UMAD1: variants seen among roughly 807,000 people sequenced by gnomAD.
UMAD1 encodes UBAP1-MVB12-associated (UMA) domain containing 1.
Under a neutral mutation model 6.1 loss-of-function variants are expected in UMAD1, and 8 were observed. The ratio of observed to expected loss-of-function variants is 1.30; its 90% confidence interval spans 0.76 to 2.35. The LOEUF (loss-of-function observed/expected upper bound fraction) is 2.35. Among genes scored for constraint, UMAD1 ranks in the 30% most tolerant of loss-of-function variants. The probability of loss-of-function intolerance (pLI) is 0.00; values close to 1 mark genes in which losing one functional copy is unlikely to be tolerated. For synonymous variants in UMAD1, 56 were observed against 31.4 expected (o/e 1.78, Z -2.61); for missense variants, 130 against 78.4 (o/e 1.66, Z -2.49).
At chr7:7,836,705 TAAA>T (rs1248535610) in intron 3 of UMAD1, among the ~76,000 whole-genome samples, 1 of 151,844 alleles carries the variant, frequency 6.6e-6, no homozygotes, top group African/African-American at 2.4e-5. Context: ...CATTAGAAAT[TAAA>T]AACAGTTATT....
chr7:7,693,075 G>T (rs981782676), intron 2 of UMAD1, among the ~76,000 whole-genome samples: 3 of 151,918 alleles, frequency 2.0e-5, no homozygotes, highest in African/African-American at 7.3e-5. Context: ...TCATTATTCT[G>T]TAATGAACAA....
At chr7:7,725,396 A>G (rs1222010170) in intron 2 of UMAD1, among the ~76,000 whole-genome samples, 1 of 152,154 alleles carries the variant, frequency 6.6e-6, no homozygotes, top group Non-Finnish European at 1.5e-5. Flanking sequence ...TGCTTAATGT[A>G]TCGGTGGCAG....
At chr7:7,782,482 A>G (rs1446720128) in intron 2 of UMAD1, among the ~76,000 whole-genome samples, 2 of 152,088 alleles carry the variant, frequency 1.3e-5, no homozygotes, top group Non-Finnish European at 2.9e-5. Context: ...TCTACATGCT[A>G]TTGCATAGAT....
Position 7,796,286 on chromosome 7 carries a change from T to C in UMAD1, c.83-5384T>C, listed in dbSNP as rs539761689. Among the ~76,000 whole-genome samples the C allele has an allele frequency of 1.5e-3, 218 of 142,312 alleles. 4 individuals are homozygous for C. The East Asian group carries it at 0.038, about 25-fold the overall frequency. 93.4% of individuals were successfully genotyped at this position (142,312 alleles called of 152,430 possible). A position where few individuals can be genotyped will look rare whatever the true frequency, so the allele number is the denominator to read the frequency against. Reference sequence around the variant, plus strand: ...TTTTTTTTGAGATGGAGTTTCGCTCTTCTTGCCCAGGCTGGAGTGCAATGG... The same window carrying C: ...TTTTTTTTGAGATGGAGTTTCGCTCCTCTTGCCCAGGCTGGAGTGCAATGG... On this transcript the variant is annotated intron_variant, in intron 2 of 3. Coordinates refer to ENST00000682710, the MANE Select transcript of UMAD1 (RefSeq NM_001302348.2).
intron 2 of UMAD1, among the ~76,000 whole-genome samples, chr7:7,763,113 G>A (rs1479094608): frequency 6.6e-6 from 1 of 152,106 alleles, no homozygotes; most frequent in East Asian, 1.9e-4. Flanking sequence ...GTTATAAACA[G>A]CCTAGTAGGG....
rs187988269 is a variant in UMAD1 at position 7,701,813 on chromosome 7, C to T, written c.82+28360C>T. Among the ~76,000 whole-genome samples the T allele has an allele frequency of 7.9e-5, 12 of 152,264 alleles. No homozygotes were observed. In the East Asian group the frequency reaches 1.7e-3, roughly 22 times the overall value. ...CATGACAAGCCATTTACCCATGTCT[C>T]GGATGACTGTCTGCCCTCTGAGGAT... On this transcript the variant is annotated intron_variant, in intron 2 of 3. Transcript: ENST00000682710.
intron 3 of UMAD1, among the ~76,000 whole-genome samples, chr7:7,819,893 A>C (rs1318481287): frequency 6.6e-6 from 1 of 152,136 alleles, no homozygotes; most frequent in African/African-American, 2.4e-5. Context: ...GCTCTGTTAA[A>C]CTCTGTTCTC....
intron 1 of UMAD1, among the ~76,000 whole-genome samples, chr7:7,658,718 T>G (rs1785403558): frequency 6.6e-6 from 1 of 152,210 alleles, no homozygotes; most frequent in Non-Finnish European, 1.5e-5. Context: ...TTTGCCAGTA[T>G]CTTATTGAGT....
intron 2 of UMAD1, among the ~76,000 whole-genome samples, chr7:7,731,197 C>T (rs1471824946): frequency 1.3e-5 from 2 of 151,944 alleles, no homozygotes; most frequent in Non-Finnish European, 2.9e-5. Flanking sequence ...GGGGGGGGTT[C>T]CACCATGTTG....
At chr7:7,800,690 A>G (rs972460562) in intron 2 of UMAD1, among the ~76,000 whole-genome samples, 1 of 152,202 alleles carries the variant, frequency 6.6e-6, no homozygotes, top group Non-Finnish European at 1.5e-5. Flanking sequence ...TTCCTTGATT[A>G]TAGCCATGAG....
chr7:7,809,032 A>G (rs149205582), intron 3 of UMAD1, among the ~76,000 whole-genome samples: 2 of 152,104 alleles, frequency 1.3e-5, no homozygotes, highest in African/African-American at 2.4e-5. Flanking sequence ...CTTATTGCAT[A>G]TTTAATATAA....
At chr7:7,824,689 A>T (rs560796413) in intron 3 of UMAD1, among the ~76,000 whole-genome samples, 18 of 152,306 alleles carry the variant, frequency 1.2e-4, no homozygotes, top group Admixed American at 7.2e-4. Context: ...CACTATCATC[A>T]TCATTTTGAA....
At chr7:7,711,597 A>G (rs1780765685) in intron 2 of UMAD1, among the ~76,000 whole-genome samples, 2 of 152,078 alleles carry the variant, frequency 1.3e-5, no homozygotes, top group African/African-American at 2.4e-5. Flanking sequence ...TTTCTTGTTT[A>G]TAATGGAATT....
rs1035624439 is a variant in UMAD1 at position 7,833,613 on chromosome 7, C to T, written c.156+31870C>T. On this transcript the variant is annotated intron_variant, in intron 3 of 3. Transcript: ENST00000682710. ...AGCGGGCAGATTTCAGAGAATAACT[C>T]TTGGTAATTACCATACTATGGCACA... is the stretch of plus-strand genomic sequence containing the variant. Among the ~76,000 whole-genome samples the T allele has an allele frequency of 3.3e-5, 5 of 152,244 alleles. No homozygotes were observed. The East Asian group carries it at 9.6e-4, about 29-fold the overall frequency.
intron 2 of UMAD1, among the ~76,000 whole-genome samples, chr7:7,787,728 A>G (rs1218009646): frequency 1.3e-5 from 2 of 152,112 alleles, no homozygotes; most frequent in Non-Finnish European, 2.9e-5. Flanking sequence ...TGTTTCTTCT[A>G]CCCTTGCAAA....
chr7:7,762,107 G>A (rs1035349696), intron 2 of UMAD1, among the ~76,000 whole-genome samples: 21 of 152,156 alleles, frequency 1.4e-4, no homozygotes, highest in African/African-American at 3.6e-4. Flanking sequence ...CTTGTTTCGG[G>A]ATGTATTTTT....
chr7:7,734,811 C>A (rs1290320414), intron 2 of UMAD1, among the ~76,000 whole-genome samples: 2 of 152,188 alleles, frequency 1.3e-5, no homozygotes, highest in African/African-American at 4.8e-5. Flanking sequence ...GATATGCTAG[C>A]TAACTTTATT....
chr7:7,762,362 A>T (rs1270022865), intron 2 of UMAD1, among the ~76,000 whole-genome samples: 1 of 152,222 alleles, frequency 6.6e-6, no homozygotes, highest in African/African-American at 2.4e-5. Context: ...ATTAAGTCAC[A>T]ACACATTTTA....
intron 2 of UMAD1, among the ~76,000 whole-genome samples, chr7:7,759,446 A>G (rs1781841824): frequency 6.6e-6 from 1 of 152,262 alleles, no homozygotes; most frequent in African/African-American, 2.4e-5. Flanking sequence ...GTCCGGTTAC[A>G]TCGAGCATTT....
Sources: gnomAD v4.1 joint callset for allele counts (sites outside exome capture counted in the v4.1 genomes callset) on GRCh38, gnomAD v4.1.1 for gene constraint, MANE v1.5 for transcripts, NCBI Gene and HGNC (gene_info 2026-07-23, HGNC 2026-07-21) for gene names.